Variants in SRD5A2 observed in about 807,000 individuals in gnomAD.
SRD5A2 encodes the protein 3-oxo-5-alpha-steroid 4-dehydrogenase 2.
In SRD5A2, 30 loss-of-function variants were observed where a neutral mutation model predicts 27.4. The observed-to-expected ratio is 1.10, with a 90% CI of 0.82 to 1.49. SRD5A2 has a LOEUF of 1.49. Ranked by LOEUF, SRD5A2 falls within the 40% of genes most tolerant of loss-of-function variation. SRD5A2 has a pLI of 0.00. For synonymous variants in SRD5A2, 141 were observed against 133.6 expected, an observed-to-expected ratio of 1.06 and a Z score of -0.38; for missense variants, 348 against 323.4, an observed-to-expected ratio of 1.08 and a Z score of -0.58.
At chr2:31,616,376 C>A in the SRD5A2 span, among the ~76,000 whole-genome samples, 1 of 152,272 alleles carries the variant, frequency 6.6e-6, no homozygotes, top group Non-Finnish European at 1.5e-5. Context: ...CCTGGAAAAG[C>A]AATAGACACT....
chr2:31,641,995 G>A, the SRD5A2 span, among the ~76,000 whole-genome samples: 6 of 151,940 alleles, frequency 3.9e-5, no homozygotes, highest in East Asian at 1.9e-4. Flanking sequence ...AGCTGATTCC[G>A]AGACATACTA....
intron 1 of SRD5A2, among the ~76,000 whole-genome samples, chr2:31,535,044 T>C (rs1190107242): frequency 2.0e-5 from 3 of 149,330 alleles, no homozygotes; most frequent in Non-Finnish European, 4.4e-5. Flanking sequence ...TTTTTTGAGA[T>C]AGAGTCTCAT....
the SRD5A2 span, among the ~76,000 whole-genome samples, chr2:31,636,599 T>C: frequency 6.6e-6 from 1 of 152,214 alleles, no homozygotes; most frequent in East Asian, 1.9e-4. Context: ...ATGAGTATGA[T>C]GTTAGCTGTG....
intron 1 of SRD5A2, among the ~76,000 whole-genome samples, chr2:31,571,594 T>C (rs755963878): frequency 6.6e-6 from 1 of 152,086 alleles, no homozygotes; most frequent in Non-Finnish European, 1.5e-5. Context: ...ACTTACAGAA[T>C]GGGAAAAAAT....
chr2:31,567,275 T>C (rs975903468), intron 1 of SRD5A2, among the ~76,000 whole-genome samples: 1 of 152,184 alleles, frequency 6.6e-6, no homozygotes, highest in South Asian at 2.1e-4. Flanking sequence ...CAGCACTTGT[T>C]GAACATTTCC....
chr2:31,618,478 G>A, the SRD5A2 span, among the ~76,000 whole-genome samples: 3 of 151,922 alleles, frequency 2.0e-5, no homozygotes, highest in Non-Finnish European at 4.4e-5. Flanking sequence ...TATACACAAT[G>A]GAATACTAAA....
chr2:31,570,858 T>C (rs1178974711), intron 1 of SRD5A2, among the ~76,000 whole-genome samples: 1 of 152,084 alleles, frequency 6.6e-6, no homozygotes, highest in Non-Finnish European at 1.5e-5. Context: ...GACAAAACAC[T>C]GCTGAAAGAA....
intron 1 of SRD5A2, among the ~76,000 whole-genome samples, chr2:31,557,456 C>G (rs1047677758): frequency 6.6e-6 from 1 of 152,210 alleles, no homozygotes; most frequent in African/African-American, 2.4e-5. Flanking sequence ...AAAGGCTTAA[C>G]TCAGTAAAAC....
At chr2:31,590,316 A>C in the SRD5A2 span, among the ~76,000 whole-genome samples, 7 of 152,156 alleles carry the variant, frequency 4.6e-5, no homozygotes, top group Non-Finnish European at 5.9e-5. Flanking sequence ...TGAGCATGGA[A>C]TGTTCTTCCA....
the SRD5A2 span, among the ~76,000 whole-genome samples, chr2:31,591,266 A>T: frequency 1.3e-5 from 2 of 152,214 alleles, no homozygotes; most frequent in African/African-American, 4.8e-5. Flanking sequence ...CCCATCAAAA[A>T]GTGGGTGAAG....
the SRD5A2 span, among the ~76,000 whole-genome samples, chr2:31,634,257 A>G: frequency 6.6e-6 from 1 of 152,216 alleles, no homozygotes; most frequent in Non-Finnish European, 1.5e-5. Flanking sequence ...CAGTTTTAAG[A>G]AAAGAATCAC....
At chr2:31,583,477 A>G (rs1667116022), upstream of SRD5A2, among the ~76,000 whole-genome samples, 1 of 152,240 alleles carries the variant, frequency 6.6e-6, no homozygotes, top group East Asian at 1.9e-4. Context: ...ATGCAAGAAG[A>G]AAGTGCCCAA....
At chr2:31,596,250 T>C in the SRD5A2 span, among the ~76,000 whole-genome samples, 9 of 151,972 alleles carry the variant, frequency 5.9e-5, no homozygotes, top group Non-Finnish European at 2.9e-5. Flanking sequence ...TAGCTGAGCA[T>C]GGTGGTGGGC....
intron 1 of SRD5A2, among the ~76,000 whole-genome samples, chr2:31,538,760 A>G (rs56201007): frequency 6.6e-6 from 1 of 152,198 alleles, no homozygotes; most frequent in South Asian, 2.1e-4. Context: ...TGCCTCCAGC[A>G]CTCACTAGCC....
chr2:31,599,731 T>C, the SRD5A2 span, among the ~76,000 whole-genome samples: 1 of 151,794 alleles, frequency 6.6e-6, no homozygotes, highest in Non-Finnish European at 1.5e-5. Context: ...ATGAACAAAC[T>C]AGAAAAGCAA....
chr2:31,532,951 C>T (rs1158407830), intron 2 of SRD5A2, among the ~76,000 whole-genome samples: 1 of 152,096 alleles, frequency 6.6e-6, no homozygotes, highest in Admixed American at 6.5e-5. Context: ...GGGGGCAAAG[C>T]CTTCTAGGCC....
At chr2:31,583,628 ACAAAAAAAAAGCAAAAAAAAAACC>A (rs1416457741), upstream of SRD5A2, among the ~76,000 whole-genome samples, 1,826 of 30,416 alleles carry the variant, frequency 0.06, 122 homozygotes, top group African/African-American at 0.096. Flanking sequence ...AAAAAAAAAA[ACAAAAAAAAAGCAAAAAAAAAACC>A]AAAAAAAAAG....
chr2:31,592,402 G>A, the SRD5A2 span, among the ~76,000 whole-genome samples: 3 of 152,236 alleles, frequency 2.0e-5, no homozygotes, highest in Non-Finnish European at 2.9e-5. Flanking sequence ...TTGAGAAAAC[G>A]AGTGCACTAA....
At position 31,522,835 on chromosome 2, in the gene SRD5A2, CA is replaced by C; in HGVS notation, c.*3360del. ...CTCAGCTCACAGCTTATTAGAGAAC[CA>C]AAAGGCCAAGCGGGAAAAGAAATGA... On this transcript the variant is annotated 3_prime_UTR_variant, in exon 5 of 5. Coordinates refer to ENST00000622030, the MANE Select transcript of SRD5A2 (RefSeq NM_000348.4). 4.5e-6 allele frequency: 1 copy of C among 222,470 alleles called. No homozygotes were observed. Among genetic ancestry groups the C allele is most frequent in the Non-Finnish European group, 9.0e-6 (1 of 111,268 alleles). The allele number at this position is 222,470 out of a possible 1,614,324, so 13.8% of individuals were successfully genotyped here.
Sources: allele counts gnomAD v4.1 joint callset (sites outside exome capture counted in the v4.1 genomes callset), GRCh38; gene constraint gnomAD v4.1.1; transcripts MANE v1.5; gene names NCBI Gene and HGNC (gene_info 2026-07-23, HGNC 2026-07-21).